Variants in EXOC7 observed in about 807,000 individuals in gnomAD.
EXOC7 encodes exocyst complex component Exo70.
A neutral mutation model predicts 87.6 loss-of-function variants in EXOC7; 51 were observed. The ratio of observed to expected loss-of-function variants is 0.58; its 90% CI spans 0.46 to 0.73. The LOEUF is 0.73. EXOC7 is among the 30% of genes least tolerant of loss of function. The pLI is 0.00. For missense variants in EXOC7, 744 were observed against 888.4 expected, an observed-to-expected ratio of 0.84 and a Z score of 2.07; for synonymous variants, 327 against 357.1, an observed-to-expected ratio of 0.92 and a Z score of 0.95.
In EXOC7 at chr17:76,081,660, T is replaced by G; in HGVS notation, c.*1988A>C. On this transcript the variant is annotated 3_prime_UTR_variant, in exon 19 of 19. Coordinates refer to ENST00000589210, the MANE Select transcript of EXOC7 (RefSeq NM_001013839.4). ...CTGCCCCTCCGGGCCATTGAGCGCA[T>G]AGGCTACAAGGTGACATTGCTGCTG... The G allele has an allele frequency of 6.2e-7, 1 of 1,614,150 alleles. No homozygotes were observed. The highest frequency in any genetic ancestry group is 8.5e-7 in the Non-Finnish European group (1 of 1,180,018).
At position 76,084,583 on chromosome 17, in the gene EXOC7, G is replaced by A. The variant is rs1231106441; in HGVS notation, c.1713-3C>T. On this transcript the variant is annotated splice_region_variant and splice_polypyrimidine_tract_variant and intron_variant, in intron 15 of 18. Transcript: ENST00000589210. The stretch of plus-strand genomic sequence containing the variant: ...TGTAATCAGTCACCTTTAACCAGCT[G>A]CCAGACAGAAAGAGAAGCATGAGGG... The A allele has an allele frequency of 6.2e-7, 1 of 1,612,258 alleles. No individual in the cohort carries two copies.
chr17:76,081,413 T>A lies in EXOC7; in HGVS notation c.*2235A>T, dbSNP rs763976488. 6.8e-6 allele frequency: 11 copies of A among 1,613,936 alleles called. No homozygotes were observed. The South Asian group carries it at 1.2e-4, about 18-fold the overall frequency. ...TGCTTCCAGGTGACGGTGAGTCAAG[T>A]CGGGAGGAGGCCGACAGAGGGCTGC... On this transcript the variant is annotated 3_prime_UTR_variant, in exon 19 of 19. Coordinates refer to ENST00000589210, the MANE Select transcript of EXOC7 (RefSeq NM_001013839.4).
intron 4 of EXOC7, among the ~76,000 whole-genome samples, chr17:76,100,588 G>A (rs1003463598): frequency 1.3e-5 from 2 of 150,278 alleles, no homozygotes; most frequent in African/African-American, 4.9e-5. Context: ...AGCCGAGATC[G>A]TGCCATTGCA....
At chr17:76,086,410 A>C (rs931993355) in intron 12 of EXOC7, among the ~76,000 whole-genome samples, 3 of 152,190 alleles carry the variant, frequency 2.0e-5, no homozygotes, top group South Asian at 2.1e-4. Context: ...GTGAGATGCC[A>C]GCGCCCTGTC....
chr17:76,085,276 G>C, intron 15 of EXOC7, 38 bp downstream of exon 15: 1 of 1,502,506 alleles, frequency 6.7e-7, no homozygotes, highest in Non-Finnish European at 9.1e-7. Flanking sequence ...TGGTGGCACA[G>C]GGGCCCATGC....
chr17:76,085,852 C>A, intron 13 of EXOC7, 55 bp from the exon 14 acceptor site: 1 of 1,591,120 alleles, frequency 6.3e-7, no homozygotes, highest in Non-Finnish European at 8.6e-7. Flanking sequence ...CCAAACGACC[C>A]CACCCCAGGA....
chr17:76,098,946 A>C (rs947599503), intron 4 of EXOC7, among the ~76,000 whole-genome samples: 1 of 152,130 alleles, frequency 6.6e-6, no homozygotes, highest in East Asian at 1.9e-4. Context: ...GGGGGTTTGC[A>C]AAAGAAAATA....
intron 10 of EXOC7, 73 bp downstream of exon 10, chr17:76,088,391 T>C: frequency 6.9e-7 from 1 of 1,459,542 alleles, no homozygotes; most frequent in Non-Finnish European, 9.5e-7. Context: ...AGGCCTGCTC[T>C]GAGAGTCCCC....
At position 76,086,879 on chromosome 17, in the gene EXOC7, T is replaced by C. The variant is rs1598301134; in HGVS notation, c.1430-734A>G. The C allele has an allele frequency of 1.9e-6, 3 of 1,551,348 alleles. No homozygotes were observed. The East Asian group carries it at 7.3e-5, about 38-fold the overall frequency. On this transcript the variant is annotated intron_variant, in intron 12 of 18. Coordinates refer to ENST00000589210, the MANE Select transcript of EXOC7 (RefSeq NM_001013839.4). ...CTCGGGGGTCTAAAGGAATATTGTA[T>C]GTGTCCCCAAGAACTACGGAGTGAA...
At chr17:76,083,920 C>T in intron 18 of EXOC7, 86 bp downstream of exon 18, 1 of 1,486,598 alleles carries the variant, frequency 6.7e-7, no homozygotes, top group South Asian at 1.4e-5. Context: ...CACCACCCTT[C>T]TCCTTTTTCC....
In EXOC7 at chr17:76,081,277, G is replaced by A. The variant is rs1318888791; in HGVS notation, c.*2371C>T. 3.1e-6 allele frequency: 5 copies of A among 1,613,642 alleles called. No individual in the cohort carries two copies. On this transcript the variant is annotated 3_prime_UTR_variant, in exon 19 of 19. Coordinates refer to ENST00000589210, the MANE Select transcript of EXOC7 (RefSeq NM_001013839.4). ...TCATAGTTCTCATTCCCACCCCTCAGCGATGGAGTTAGAGTTCCAGGCCCA... is the reference window on the plus strand; with the variant it reads ...TCATAGTTCTCATTCCCACCCCTCAACGATGGAGTTAGAGTTCCAGGCCCA...
At chr17:76,087,314 A>G in intron 12 of EXOC7, 1 of 421,998 alleles carries the variant, frequency 2.4e-6, no homozygotes, top group Non-Finnish European at 4.3e-6. Context: ...AGCGAGCCTG[A>G]TTAGGAGAGC....
intron 5 of EXOC7, among the ~76,000 whole-genome samples, chr17:76,097,506 C>G (rs1027595306): frequency 6.6e-6 from 1 of 151,694 alleles, no homozygotes; most frequent in Non-Finnish European, 1.5e-5. Context: ...AAGTTCAAGA[C>G]CAGCCTGGCC....
chr17:76,090,223 C>G (rs1473165274), intron 7 of EXOC7: 1 of 1,322,320 alleles, frequency 7.6e-7, no homozygotes, highest in Non-Finnish European at 1.0e-6. Flanking sequence ...CCTGGCCCAT[C>G]CTCAGAGCAG....
At chr17:76,083,888 C>A in intron 18 of EXOC7, 118 bp downstream of exon 18, 1 of 1,481,840 alleles carries the variant, frequency 6.7e-7, no homozygotes, top group South Asian at 1.3e-5. Context: ...AAGCCCAGGT[C>A]GCTGGATCTG....
At chr17:76,089,034 G>A (rs2067348425) in intron 8 of EXOC7, 111 bp from the exon 9 acceptor site, 3 of 1,472,882 alleles carry the variant, frequency 2.0e-6, no homozygotes, top group Non-Finnish European at 2.8e-6. Context: ...GAAGAGGGGT[G>A]ACGGGGAGGT....
chr17:76,086,212 G>T, intron 12 of EXOC7, 67 bp from the exon 13 acceptor site: 1 of 1,482,202 alleles, frequency 6.7e-7, no homozygotes, highest in Non-Finnish European at 9.3e-7. Flanking sequence ...CTTCCCCCAG[G>T]CCATGCAGCA....
At chr17:76,085,460 G>T in intron 14 of EXOC7, 51 bp from the exon 15 acceptor site, 1 of 1,556,960 alleles carries the variant, frequency 6.4e-7, no homozygotes, top group Non-Finnish European at 8.7e-7. Context: ...GGCTCCTCAG[G>T]CCCAAAGGCT....
Position 76,082,857 on chromosome 17 carries a change from A to G in EXOC7, c.*791T>C, listed in dbSNP as rs2067041925. 6.7e-6 allele frequency: 3 copies of G among 449,294 alleles called. No individual in the cohort carries two copies. Among genetic ancestry groups the G allele is most frequent in the South Asian group, 7.9e-5 (1 of 12,606 alleles). The allele number at this position is 449,294 out of a possible 1,614,324, so 27.8% of individuals were successfully genotyped here. ...TCTCGTCCTAAATAGGTGGGGCCCT[A>G]TTTTTTGCTTCCAACCCCCATTTTG... On this transcript the variant is annotated 3_prime_UTR_variant, in exon 19 of 19. Coordinates refer to ENST00000589210, the MANE Select transcript of EXOC7 (RefSeq NM_001013839.4).
Sources: allele counts gnomAD v4.1 joint callset (sites outside exome capture counted in the v4.1 genomes callset), GRCh38; gene constraint gnomAD v4.1.1; transcripts MANE v1.5; gene names NCBI Gene and HGNC (gene_info 2026-07-23, HGNC 2026-07-21).